SEMA3A: variants seen among roughly 807,000 people sequenced by gnomAD.
The protein encoded by SEMA3A is semaphorin-3A.
Under a neutral mutation model 97.9 loss-of-function variants are expected in SEMA3A, and 29 were observed. That is an observed-to-expected ratio of 0.30 (90% CI 0.22 to 0.40). The LOEUF is 0.40. Among genes scored for constraint, SEMA3A ranks in the 10% least tolerant of loss-of-function variants. SEMA3A has a pLI of 1.00. For synonymous variants in SEMA3A, 321 were observed against 323.7 expected (o/e 0.99, Z 0.09); for missense variants, 763 against 951.3 (o/e 0.80, Z 2.60).
chr7:84,232,436 C>G (rs1799137046), intron 3 of SEMA3A, among the ~76,000 whole-genome samples: 1 of 150,970 alleles, frequency 6.6e-6, no homozygotes, highest in South Asian at 2.1e-4. Flanking sequence ...CTCTCTCTCT[C>G]TCTCTCCCTC....
At chr7:84,089,704 T>C (rs1794503134) in intron 4 of SEMA3A, among the ~76,000 whole-genome samples, 1 of 152,084 alleles carries the variant, frequency 6.6e-6, no homozygotes, top group Non-Finnish European at 1.5e-5. Flanking sequence ...TTTATAATTA[T>C]ACAATTCTAA....
chr7:84,174,767 T>A (rs1797508576), intron 1 of SEMA3A, among the ~76,000 whole-genome samples: 1 of 152,212 alleles, frequency 6.6e-6, no homozygotes, highest in South Asian at 2.1e-4. Context: ...GTTCTAATTG[T>A]TCATCTTTAT....
At chr7:84,424,909 AAATATAT>A (rs1804745614) in intron 1 of SEMA3A, among the ~76,000 whole-genome samples, 3 of 59,036 alleles carry the variant, frequency 5.1e-5, no homozygotes, top group Non-Finnish European at 7.8e-5. Context: ...ATATAAACAT[AAATATAT>A]ATATATATTT....
chr7:84,055,298 C>T (rs1164488571), intron 5 of SEMA3A, among the ~76,000 whole-genome samples: 1 of 152,314 alleles, frequency 6.6e-6, no homozygotes, highest in East Asian at 1.9e-4. Context: ...CGCCCCTCCC[C>T]CCGCCTCGCT....
intron 3 of SEMA3A, among the ~76,000 whole-genome samples, chr7:84,277,348 G>A (rs760282565): frequency 3.9e-5 from 6 of 152,094 alleles, no homozygotes; most frequent in Non-Finnish European, 5.9e-5. Context: ...GTAAAGTTGT[G>A]TGGGTGTGTG....
chr7:84,475,830 C>T (rs972426061), intron 1 of SEMA3A, among the ~76,000 whole-genome samples: 1 of 152,140 alleles, frequency 6.6e-6, no homozygotes, highest in Admixed American at 6.6e-5. Flanking sequence ...TAGTCTCAAC[C>T]TTTGCAGTTC....
intron 1 of SEMA3A, among the ~76,000 whole-genome samples, chr7:84,446,607 C>T (rs1046791872): frequency 6.6e-6 from 1 of 152,160 alleles, no homozygotes; most frequent in Admixed American, 6.5e-5. Context: ...CAAAATTTAA[C>T]ATTACTTCAT....
intron 3 of SEMA3A, among the ~76,000 whole-genome samples, chr7:84,223,820 T>A (rs1798932885): frequency 6.6e-6 from 1 of 151,816 alleles, no homozygotes; most frequent in Non-Finnish European, 1.5e-5. Context: ...AAAATGGAAA[T>A]CTTAACTGAA....
At chr7:84,391,526 C>G (rs1415712333) in intron 1 of SEMA3A, among the ~76,000 whole-genome samples, 2 of 152,040 alleles carry the variant, frequency 1.3e-5, no homozygotes, top group Non-Finnish European at 2.9e-5. Context: ...TATTTTGGAA[C>G]AGCAGGAACA....
At chr7:84,279,814 T>C (rs916711394) in intron 3 of SEMA3A, among the ~76,000 whole-genome samples, 2 of 152,170 alleles carry the variant, frequency 1.3e-5, no homozygotes, top group African/African-American at 4.8e-5. Context: ...TAGGAATGTG[T>C]GATATTGGCT....
intron 15 of SEMA3A, among the ~76,000 whole-genome samples, chr7:83,976,487 A>G (rs528762623): frequency 1.3e-5 from 2 of 152,196 alleles, no homozygotes; most frequent in East Asian, 1.9e-4. Context: ...TCAATTATGG[A>G]AAGTGGGGCA....
chr7:84,170,625 GTAAT>G (rs1562828755), intron 1 of SEMA3A, among the ~76,000 whole-genome samples: 1 of 152,004 alleles, frequency 6.6e-6, no homozygotes, highest in East Asian at 1.9e-4. Flanking sequence ...TTTGAATAAA[GTAAT>G]TAACTTGTTT....
intron 3 of SEMA3A, among the ~76,000 whole-genome samples, chr7:84,222,979 G>C (rs922987424): frequency 3.3e-5 from 5 of 151,796 alleles, no homozygotes; most frequent in African/African-American, 1.2e-4. Context: ...AAATTAAAAT[G>C]CTTCTCAATA....
chr7:83,995,075 T>G (rs531853187), intron 12 of SEMA3A, among the ~76,000 whole-genome samples: 2 of 152,162 alleles, frequency 1.3e-5, no homozygotes, highest in South Asian at 4.2e-4. Context: ...AGTGACCCGA[T>G]TTTCCAGGTG....
intron 3 of SEMA3A, among the ~76,000 whole-genome samples, chr7:84,228,166 G>A (rs1422966528): frequency 1.3e-5 from 2 of 151,956 alleles, no homozygotes; most frequent in Non-Finnish European, 2.9e-5. Context: ...GGATGAGATG[G>A]TTGGGCCTGG....
chr7:84,017,500 T>C (rs6949238), intron 6 of SEMA3A, among the ~76,000 whole-genome samples: 46,608 of 151,968 alleles, frequency 0.31, 8,078 homozygotes, highest in East Asian at 0.61. Flanking sequence ...AAGAAAAACA[T>C]TGTCAATTTA....
At chr7:84,199,989 G>A (rs997951094), upstream of SEMA3A, among the ~76,000 whole-genome samples, 2 of 151,978 alleles carry the variant, frequency 1.3e-5, no homozygotes, top group African/African-American at 4.8e-5. Flanking sequence ...TGAGTTGAGA[G>A]AAGGAATTGA....
Position 84,272,473 on chromosome 7 carries a change from A to T in SEMA3A, c.-83+34734T>A, listed in dbSNP as rs886635228. On this transcript the variant is annotated intron_variant, in intron 3 of 3. Coordinates refer to the SEMA3A transcript ENST00000424555. The stretch of plus-strand genomic sequence containing the variant: ...AATAGCAATGAAGTAATAGAAAAAA[A>T]TTTGTTTTTCTATTCAAATATATTA... Among the ~76,000 whole-genome samples, 9 of 152,180 alleles carry T rather than the reference A, an allele frequency of 5.9e-5. 1 individual carries two copies. The highest frequency in any genetic ancestry group is 1.3e-4 in the Admixed American group (2 of 15,250).
intron 3 of SEMA3A, among the ~76,000 whole-genome samples, chr7:84,306,943 AT>A (rs111993631): frequency 2.4e-4 from 35 of 148,568 alleles, no homozygotes; most frequent in East Asian, 5.9e-4. Flanking sequence ...AAGTCTGGAG[AT>A]TTTTTTTTTT....
Sources: allele counts gnomAD v4.1 joint callset (sites outside exome capture counted in the v4.1 genomes callset), GRCh38; gene constraint gnomAD v4.1.1; transcripts MANE v1.5; gene names NCBI Gene and HGNC (gene_info 2026-07-23, HGNC 2026-07-21).